Variants in R3HDM1 observed in about 807,000 individuals in gnomAD.
The protein encoded by R3HDM1 is R3H domain containing 1.
R3HDM1 carries 46 observed loss-of-function variants against 141.1 expected under a neutral mutation model. The observed-to-expected ratio is 0.33, with a 90% CI of 0.26 to 0.42. R3HDM1 has a LOEUF of 0.42. Ranked by LOEUF, R3HDM1 falls within the 10% of genes least tolerant of loss-of-function variation. The pLI is 1.00. For missense variants in R3HDM1, 1,184 were observed against 1,368.3 expected (o/e 0.87, Z 2.12); for synonymous variants, 435 against 472.9 (o/e 0.92, Z 1.04).
Position 135,724,550 on chromosome 2 carries a change from C to G in R3HDM1, c.*258C>G, listed in dbSNP as rs2077005235. ...GAAATGCCATTCAAATGCCTCCTAA[C>G]TTTTATAGTTATTTTGTTTTATATT... On this transcript the variant is annotated 3_prime_UTR_variant, in exon 27 of 27. Transcript: ENST00000683871. 4 of 363,884 alleles carry G rather than the reference C, an allele frequency of 1.1e-5. No homozygotes were observed. Among genetic ancestry groups the G allele is most frequent in the Non-Finnish European group, 2.0e-5 (4 of 204,000 alleles). The allele number at this position is 363,884 out of a possible 1,614,324, so 22.5% of individuals were successfully genotyped here. A position where few individuals can be genotyped will look rare whatever the true frequency, so the allele number is the denominator to read the frequency against.
intron 1 of R3HDM1, among the ~76,000 whole-genome samples, chr2:135,596,136 T>TG (rs2059160298): frequency 2.0e-5 from 3 of 152,096 alleles, no homozygotes; most frequent in Admixed American, 2.0e-4. Flanking sequence ...GTAGCTGGGA[T>TG]TACAGGTGTG....
chr2:135,722,353 C>A, intron 25 of R3HDM1, 116 bp from the exon 26 acceptor site: 1 of 1,045,898 alleles, frequency 9.6e-7, no homozygotes, highest in Non-Finnish European at 1.4e-6. Flanking sequence ...GACTGATTTT[C>A]TTCTGCCAGA....
At chr2:135,550,817 CAATT>C in intron 1 of R3HDM1, among the ~76,000 whole-genome samples, 1 of 152,230 alleles carries the variant, frequency 6.6e-6, no homozygotes, top group East Asian at 1.9e-4. Flanking sequence ...GGAATCAAGT[CAATT>C]AATGTGCCTT....
At chr2:135,548,592 T>C (rs1292557671) in intron 1 of R3HDM1, among the ~76,000 whole-genome samples, 9 of 146,336 alleles carry the variant, frequency 6.2e-5, no homozygotes, top group Admixed American at 6.1e-4. Context: ...CCCCACCCCA[T>C]ACCCCAAGAG....
At chr2:135,604,245 G>T (rs1325360649) in intron 2 of R3HDM1, among the ~76,000 whole-genome samples, 2 of 152,074 alleles carry the variant, frequency 1.3e-5, no homozygotes, top group Non-Finnish European at 2.9e-5. Flanking sequence ...ATATTTCAGG[G>T]TAATTTAAGA....
intron 1 of R3HDM1, among the ~76,000 whole-genome samples, chr2:135,560,516 G>A (rs1273032232): frequency 6.6e-6 from 1 of 152,102 alleles, no homozygotes; most frequent in Non-Finnish European, 1.5e-5. Flanking sequence ...GTTTCACCAC[G>A]TTGACCAGGA....
intron 14 of R3HDM1, among the ~76,000 whole-genome samples, chr2:135,640,212 C>G (rs1315937751): frequency 6.6e-6 from 1 of 152,064 alleles, no homozygotes; most frequent in Non-Finnish European, 1.5e-5. Flanking sequence ...AACTGAAGGG[C>G]TGTAATCAGT....
chr2:135,573,145 A>G (rs72988430), intron 1 of R3HDM1, among the ~76,000 whole-genome samples: 6,739 of 152,250 alleles, frequency 0.044, 500 homozygotes, highest in African/African-American at 0.15. Flanking sequence ...CAATTATATG[A>G]CATGTCGTTT....
At chr2:135,671,693 A>G (rs1574903694) in intron 19 of R3HDM1, among the ~76,000 whole-genome samples, 1 of 151,848 alleles carries the variant, frequency 6.6e-6, no homozygotes, top group African/African-American at 2.4e-5. Flanking sequence ...ATTTAAATTC[A>G]GGTTGGGCGC....
intron 24 of R3HDM1, among the ~76,000 whole-genome samples, chr2:135,718,874 G>A (rs989589644): frequency 2.6e-5 from 4 of 152,072 alleles, no homozygotes; most frequent in Admixed American, 6.6e-5. Context: ...AAGGCTATGC[G>A]CAGTGGCTCA....
chr2:135,669,642 C>T, intron 19 of R3HDM1: 2 of 879,930 alleles, frequency 2.3e-6, no homozygotes, highest in Non-Finnish European at 2.7e-6. Flanking sequence ...CAGCTGTGTG[C>T]AGCTCTCAGC....
chr2:135,542,265 G>A (rs1028627599), intron 1 of R3HDM1, among the ~76,000 whole-genome samples: 6 of 152,104 alleles, frequency 3.9e-5, no homozygotes, highest in African/African-American at 1.2e-4. Context: ...TACTAAGGGG[G>A]AAAAGTACCT....
intron 20 of R3HDM1, among the ~76,000 whole-genome samples, chr2:135,676,198 G>A (rs1276083536): frequency 6.6e-6 from 1 of 152,048 alleles, no homozygotes; most frequent in Non-Finnish European, 1.5e-5. Flanking sequence ...AGGTGGCGGG[G>A]CCTATAATTC....
At chr2:135,702,217 GAAAAA>G (rs35183953) in intron 21 of R3HDM1, among the ~76,000 whole-genome samples, 3 of 120,868 alleles carry the variant, frequency 2.5e-5, no homozygotes, top group Admixed American at 9.0e-5. Flanking sequence ...GTCTCAGGGG[GAAAAA>G]AAAAAAAAAA....
intron 21 of R3HDM1, among the ~76,000 whole-genome samples, chr2:135,683,805 A>G (rs971935859): frequency 1.3e-5 from 2 of 152,152 alleles, no homozygotes; most frequent in African/African-American, 2.4e-5. Context: ...AATAGAGGCA[A>G]TTCAGAAATC....
rs143277158 is a variant in R3HDM1, at chr2:135,669,133, G to A, written c.2153-6199G>A. ...CCTAATTGTTTAATACAATTTATGC[G>A]TATAATCTAATTATAGTAAGGCAAG... is the stretch of plus-strand genomic sequence containing the variant. On this transcript the variant is annotated intron_variant, in intron 19 of 26. Coordinates refer to ENST00000683871, the MANE Select transcript of R3HDM1 (RefSeq NM_001378107.1). The A allele has an allele frequency of 9.6e-4, 940 of 983,404 alleles. 1 individual carries two copies. The highest frequency in any genetic ancestry group is 2.0e-3 in the Admixed American group (33 of 16,268). The allele number at this position is 983,404 out of a possible 1,614,324, so 60.9% of individuals were successfully genotyped here. A position where few individuals can be genotyped will look rare whatever the true frequency, so the allele number is the denominator to read the frequency against.
chr2:135,721,887 C>T (rs1415774212), intron 24 of R3HDM1, 37 bp from the exon 25 acceptor site: 3 of 1,580,162 alleles, frequency 1.9e-6, no homozygotes, highest in Non-Finnish European at 2.6e-6. Context: ...CGTGCCCGGC[C>T]TCTGGCAATA....
chr2:135,531,732 G>T (rs972973193), intron 1 of R3HDM1, 99 bp downstream of exon 1: 1 of 985,958 alleles, frequency 1.0e-6, no homozygotes, highest in Non-Finnish European at 1.2e-6. Context: ...GGAGAAGGAG[G>T]CAGGCAGGGG....
chr2:135,666,921 TAA>T (rs59959578), intron 19 of R3HDM1: 239 of 181,852 alleles, frequency 1.3e-3, no homozygotes, highest in Non-Finnish European at 2.2e-3. Flanking sequence ...GGCTCATCTT[TAA>T]AAAAAAAAAA....
Sources: gnomAD v4.1 joint callset for allele counts (sites outside exome capture counted in the v4.1 genomes callset) on GRCh38, gnomAD v4.1.1 for gene constraint, MANE v1.5 for transcripts, NCBI Gene and HGNC (gene_info 2026-07-23, HGNC 2026-07-21) for gene names.